The following OSBPL8 variants were observed in gnomAD, a reference collection of about 807,000 sequenced individuals.
OSBPL8 encodes the protein oxysterol binding protein like 8, also known as oxysterol-binding protein-related protein 8.
OSBPL8 carries 59 observed loss-of-function variants against 125.5 expected under a neutral mutation model. That is an observed-to-expected ratio of 0.47 (90% CI 0.38 to 0.58). OSBPL8 has a LOEUF of 0.58. Among genes scored for constraint, OSBPL8 ranks in the 20% least tolerant of loss-of-function variants. The pLI is 0.00. For synonymous variants in OSBPL8, 330 were observed against 338.9 expected (o/e 0.97, Z 0.29); for missense variants, 758 against 1,047.8 (o/e 0.72, Z 3.82).
chr12:76,470,440 A>G (rs1875994335), intron 2 of OSBPL8, among the ~76,000 whole-genome samples: 1 of 152,230 alleles, frequency 6.6e-6, no homozygotes, highest in Non-Finnish European at 1.5e-5. Context: ...CAGCATATAC[A>G]TGAACATTTC....
Position 76,388,671 on chromosome 12 carries a change from T to A in OSBPL8, c.1352+974A>T, listed in dbSNP as rs150779135. Among the ~76,000 whole-genome samples the A allele has an allele frequency of 5.9e-3, 899 of 152,332 alleles. 4 individuals are homozygous for A. The highest frequency in any genetic ancestry group is 0.019 in the African/African-American group (802 of 41,566). ...ATGAGGTTTTTACATGTTTAAGGAC[T>A]GTTCCTATTTCTTCATTTTCCAACT... On this transcript the variant is annotated intron_variant, in intron 12 of 23. Transcript: ENST00000261183.
chr12:76,392,877 A>G (rs1358181336), intron 9 of OSBPL8, 125 bp from the exon 10 acceptor site: 20 of 906,512 alleles, frequency 2.2e-5, no homozygotes, highest in Non-Finnish European at 3.0e-5. Context: ...TCTGAACATA[A>G]CATCTTGCTA....
At position 76,389,726 on chromosome 12, in the gene OSBPL8, A is replaced by G; in HGVS notation, c.1271T>C (p.Val424Ala). 6.2e-7 allele frequency: 1 copy of G among 1,609,144 alleles called. No individual in the cohort carries two copies. The highest frequency in any genetic ancestry group is 8.5e-7 in the Non-Finnish European group (1 of 1,177,000). Residue 424 changes from valine (V) to alanine (A), a missense_variant, in exon 12 of 24, where the codon GTT becomes GCT. By Grantham distance (64) the Val-to-Ala change is moderately conservative. Coordinates refer to ENST00000261183, the MANE Select transcript of OSBPL8 (RefSeq NM_020841.5). ...GGGTTCCAAAATAAATGTAGGCAGA[A>G]CCACCTTGGATAGGTCCATGCCAGG... ...VRPGMDLSKVVLPTFILEPRS... is the reference protein window; with the variant it reads ...VRPGMDLSKVALPTFILEPRS...
intron 21 of OSBPL8, among the ~76,000 whole-genome samples, chr12:76,364,706 C>T (rs537891815): frequency 5.9e-5 from 9 of 152,246 alleles, no homozygotes; most frequent in Non-Finnish European, 1.2e-4. Context: ...TTTAGACACT[C>T]AATTCTACTC....
chr12:76,522,052 A>T (rs978975468), intron 1 of OSBPL8, among the ~76,000 whole-genome samples: 5 of 152,216 alleles, frequency 3.3e-5, no homozygotes, highest in Non-Finnish European at 7.3e-5. Context: ...TGCCTCAAAC[A>T]CAACAAATTG....
chr12:76,441,047 A>T (rs1872125134), intron 4 of OSBPL8, among the ~76,000 whole-genome samples: 1 of 152,184 alleles, frequency 6.6e-6, no homozygotes, highest in Non-Finnish European at 1.5e-5. Flanking sequence ...GTTCACTTAC[A>T]TTAAGCTTTC....
chr12:76,549,396 A>G (rs1950874412), intron 1 of OSBPL8, among the ~76,000 whole-genome samples: 1 of 152,216 alleles, frequency 6.6e-6, no homozygotes, highest in African/African-American at 2.4e-5. Flanking sequence ...TTAAAAGGAT[A>G]GTGAATCAGA....
At chr12:76,424,657 CTT>C (rs1374195057) in intron 4 of OSBPL8, among the ~76,000 whole-genome samples, 3 of 152,036 alleles carry the variant, frequency 2.0e-5, no homozygotes, top group African/African-American at 7.2e-5. Context: ...TTCTCTGAGT[CTT>C]TGTTTTCTCA....
At chr12:76,541,452 T>C (rs977671495) in intron 1 of OSBPL8, among the ~76,000 whole-genome samples, 1 of 152,000 alleles carries the variant, frequency 6.6e-6, no homozygotes, top group African/African-American at 2.4e-5. Context: ...CACTCCAGCC[T>C]GGGTGACACA....
At position 76,386,680 on chromosome 12, in the gene OSBPL8, AC is replaced by A. The variant is rs777298215; in HGVS notation, c.1353-21del. On this transcript the variant is annotated intron_variant, in intron 12 of 23. Coordinates refer to ENST00000261183, the MANE Select transcript of OSBPL8 (RefSeq NM_020841.5). ...GCTGCCCTAAAACACAAAACGGTAA[AC>A]AAAAATTTTAAAAAATGTATCACAA... 2 of 1,565,788 alleles carry A rather than the reference AC, an allele frequency of 1.3e-6. No individual in the cohort carries two copies. Among genetic ancestry groups the A allele is most frequent in the South Asian group, 2.4e-5 (2 of 84,182 alleles).
At chr12:76,370,040 C>T (rs1952562016) in intron 19 of OSBPL8, among the ~76,000 whole-genome samples, 1 of 152,006 alleles carries the variant, frequency 6.6e-6, no homozygotes. Context: ...ATTTTTTTTA[C>T]TTGGCAAGAG....
At chr12:76,531,831 A>T (rs1950346794) in intron 1 of OSBPL8, among the ~76,000 whole-genome samples, 1 of 152,034 alleles carries the variant, frequency 6.6e-6, no homozygotes, top group Non-Finnish European at 1.5e-5. Flanking sequence ...AGGTCAGGAG[A>T]TCGAGACCAT....
chr12:76,475,497 T>A (rs1876694142), intron 2 of OSBPL8, among the ~76,000 whole-genome samples: 2 of 152,236 alleles, frequency 1.3e-5, no homozygotes, highest in Admixed American at 6.5e-5. Context: ...TTCTATTTTT[T>A]AATTTTTAAA....
intron 4 of OSBPL8, among the ~76,000 whole-genome samples, chr12:76,447,112 A>G (rs1290529904): frequency 6.6e-6 from 1 of 152,210 alleles, no homozygotes; most frequent in African/African-American, 2.4e-5. Flanking sequence ...AACTCCTAAT[A>G]TTGTAACTGA....
intron 5 of OSBPL8, among the ~76,000 whole-genome samples, chr12:76,404,620 T>C (rs561001703): frequency 1.4e-4 from 21 of 152,272 alleles, no homozygotes; most frequent in Non-Finnish European, 2.1e-4. Context: ...ATAACAAAGA[T>C]AGACCTTTCT....
chr12:76,386,060 G>T, intron 14 of OSBPL8, 108 bp downstream of exon 14: 1 of 1,459,366 alleles, frequency 6.9e-7, no homozygotes, highest in South Asian at 1.4e-5. Flanking sequence ...CAAATGTTCA[G>T]AAATAAGAAA....
intron 12 of OSBPL8, among the ~76,000 whole-genome samples, chr12:76,389,394 G>A (rs1336357803): frequency 6.6e-6 from 1 of 152,168 alleles, no homozygotes; most frequent in African/African-American, 2.4e-5. Flanking sequence ...CGGCAGTGTT[G>A]TTGAGTAAAG....
intron 5 of OSBPL8, among the ~76,000 whole-genome samples, chr12:76,409,281 G>A (rs937320076): frequency 3.9e-5 from 6 of 152,112 alleles, no homozygotes; most frequent in Non-Finnish European, 8.8e-5. Flanking sequence ...CCTATCCTTA[G>A]AAGAAAGAAT....
At chr12:76,459,039 C>A (rs1874392127) in intron 3 of OSBPL8, among the ~76,000 whole-genome samples, 3 of 152,130 alleles carry the variant, frequency 2.0e-5, no homozygotes, top group Non-Finnish European at 4.4e-5. Context: ...CACTTGAATG[C>A]AGCAAACAGT....
Sources: gnomAD v4.1 joint callset for allele counts (sites outside exome capture counted in the v4.1 genomes callset) on GRCh38, gnomAD v4.1.1 for gene constraint, MANE v1.5 for transcripts, NCBI Gene and HGNC (gene_info 2026-07-23, HGNC 2026-07-21) for gene names.